SOX5: variants seen among roughly 807,000 people sequenced by gnomAD.
The protein encoded by SOX5 is SRY-box transcription factor 5, also known as transcription factor SOX-5.
SOX5 carries 9 observed loss-of-function variants against 92.0 expected under a neutral mutation model. The observed-to-expected ratio is 0.10, with a 90% CI of 0.06 to 0.17. The LOEUF (loss-of-function observed/expected upper bound fraction) is 0.17, where lower values mean the gene tolerates loss of function less well. Ranked by LOEUF, SOX5 falls within the 10% of genes least tolerant of loss-of-function variation. The pLI is 1.00. For synonymous variants in SOX5, 344 were observed against 336.3 expected (o/e 1.02, Z -0.25); for missense variants, 642 against 944.5 (o/e 0.68, Z 4.20).
chr12:24,106,790 CAAATAA>C (rs1233271728), intron 4 of SOX5, among the ~76,000 whole-genome samples: 12 of 94,140 alleles, frequency 1.3e-4, no homozygotes, highest in African/African-American at 3.6e-4. Flanking sequence ...AGACTCGTCT[CAAATAA>C]TAATAATAAT....
intron 11 of SOX5, among the ~76,000 whole-genome samples, chr12:23,553,887 G>T (rs1017685735): frequency 1.3e-5 from 2 of 151,988 alleles, no homozygotes; most frequent in East Asian, 1.9e-4. Flanking sequence ...CCTGTTCATG[G>T]AATAAAAGCT....
At chr12:24,335,971 T>TTATATATATATATATATATATATATATA (rs1168839892) in intron 2 of SOX5, among the ~76,000 whole-genome samples, 2 of 9,564 alleles carry the variant, frequency 2.1e-4, no homozygotes, top group Non-Finnish European at 2.9e-4. Flanking sequence ...AGAAATGCTA[T>TTATATATATATATATATATATATATATA]CATATATATA....
At chr12:24,294,446 G>A (rs1282220338) in intron 2 of SOX5, among the ~76,000 whole-genome samples, 1 of 152,116 alleles carries the variant, frequency 6.6e-6, no homozygotes, top group Admixed American at 6.5e-5. Context: ...CTTCAATAAA[G>A]CACTTTAGTT....
chr12:23,950,798 A>G, upstream of SOX5: 1 of 1,398,994 alleles, frequency 7.1e-7, no homozygotes, highest in African/African-American at 1.4e-5. Context: ...GCAGCCGAGA[A>G]AGGTAATCAG....
intron 4 of SOX5, among the ~76,000 whole-genome samples, chr12:24,030,597 G>A (rs1458763551): frequency 1.3e-5 from 2 of 151,860 alleles, no homozygotes; most frequent in African/African-American, 2.4e-5. Flanking sequence ...CCTACAAGAA[G>A]AAAACACACA....
intron 6 of SOX5, among the ~76,000 whole-genome samples, chr12:23,718,793 C>T (rs1204329224): frequency 6.6e-6 from 1 of 152,102 alleles, no homozygotes; most frequent in South Asian, 2.1e-4. Flanking sequence ...AGACTGAAAA[C>T]AAATGGCTGC....
intron 7 of SOX5, among the ~76,000 whole-genome samples, chr12:23,645,014 T>A (rs1216550985): frequency 6.6e-6 from 1 of 152,230 alleles, no homozygotes; most frequent in Non-Finnish European, 1.5e-5. Flanking sequence ...AACCAATTCA[T>A]AAGCACTATA....
At chr12:23,736,264 A>C (rs1214557515) in intron 5 of SOX5, among the ~76,000 whole-genome samples, 1 of 151,918 alleles carries the variant, frequency 6.6e-6, no homozygotes, top group Non-Finnish European at 1.5e-5. Context: ...GATCAAGACC[A>C]TCCTGGCTAA....
At chr12:24,192,363 T>TA (rs1265311375) in intron 4 of SOX5, among the ~76,000 whole-genome samples, 3 of 152,084 alleles carry the variant, frequency 2.0e-5, no homozygotes, top group African/African-American at 4.8e-5. Flanking sequence ...TAAAATGTTC[T>TA]AAAAAATCTC....
At chr12:24,147,567 T>G (rs1951211827) in intron 4 of SOX5, among the ~76,000 whole-genome samples, 1 of 151,982 alleles carries the variant, frequency 6.6e-6, no homozygotes, top group Non-Finnish European at 1.5e-5. Flanking sequence ...TGTATGGGAG[T>G]GCAATAAAGC....
intron 3 of SOX5, among the ~76,000 whole-genome samples, chr12:23,799,502 C>T (rs987710053): frequency 6.6e-6 from 1 of 151,960 alleles, no homozygotes; most frequent in African/African-American, 2.4e-5. Flanking sequence ...AATGGGTAAA[C>T]AGTGAAACCC....
At chr12:23,661,314 T>C (rs1424671345) in intron 7 of SOX5, among the ~76,000 whole-genome samples, 1 of 152,118 alleles carries the variant, frequency 6.6e-6, no homozygotes, top group East Asian at 1.9e-4. Flanking sequence ...AAAACAATCA[T>C]CTCTAATTTC....
At chr12:24,340,868 T>C (rs1952496288) in intron 2 of SOX5, among the ~76,000 whole-genome samples, 1 of 152,328 alleles carries the variant, frequency 6.6e-6, no homozygotes, top group Non-Finnish European at 1.5e-5. Flanking sequence ...TTGTTGTTAG[T>C]TCATTTTGAC....
intron 2 of SOX5, among the ~76,000 whole-genome samples, chr12:24,327,606 CAG>C (rs1213621710): frequency 2.4e-4 from 37 of 151,076 alleles, no homozygotes; most frequent in African/African-American, 7.5e-4. Flanking sequence ...TTTTTTTAGA[CAG>C]AGTCTCGCTC....
At chr12:23,951,654 A>ACTC (rs201176564), upstream of SOX5, among the ~76,000 whole-genome samples, 1 of 13,428 alleles carries the variant, frequency 7.4e-5, no homozygotes, top group South Asian at 1.3e-3. Flanking sequence ...ATATATATAT[A>ACTC]CACACACACA....
chr12:24,384,549 G>GA (rs1958174685), intron 1 of SOX5, among the ~76,000 whole-genome samples: 1 of 152,098 alleles, frequency 6.6e-6, no homozygotes, highest in Non-Finnish European at 1.5e-5. Context: ...TGACTTAAGA[G>GA]AAAAAAATCT....
intron 9 of SOX5, among the ~76,000 whole-genome samples, chr12:23,588,303 G>A (rs577427973): frequency 6.6e-6 from 1 of 152,090 alleles, no homozygotes; most frequent in African/African-American, 2.4e-5. Flanking sequence ...TAATTATAAC[G>A]ATTTTGGATT....
intron 8 of SOX5, among the ~76,000 whole-genome samples, chr12:23,636,850 C>T (rs1003022658): frequency 6.6e-5 from 10 of 152,160 alleles, no homozygotes; most frequent in Non-Finnish European, 4.4e-5. Flanking sequence ...GTCTCCTGTA[C>T]TTGAAGAAGC....
At chr12:23,745,634 A>G (rs950651741) in intron 4 of SOX5, among the ~76,000 whole-genome samples, 1 of 152,250 alleles carries the variant, frequency 6.6e-6, no homozygotes, top group South Asian at 2.1e-4. Flanking sequence ...CATCCTTAAC[A>G]AGTGCCTTGC....
Sources: allele counts gnomAD v4.1 joint callset (sites outside exome capture counted in the v4.1 genomes callset), GRCh38; gene constraint gnomAD v4.1.1; transcripts MANE v1.5; gene names NCBI Gene and HGNC (gene_info 2026-07-23, HGNC 2026-07-21).